The following ADAM22 variants were observed in gnomAD, a reference collection of about 807,000 sequenced individuals.
ADAM22 encodes disintegrin and metalloproteinase domain-containing protein 22.
Under a neutral mutation model 144.6 loss-of-function variants are expected in ADAM22, and 65 were observed. The observed-to-expected ratio is 0.45, with a 90% CI of 0.37 to 0.55. The LOEUF is 0.55. Ranked by LOEUF, ADAM22 falls within the 20% of genes least tolerant of loss-of-function variation. The pLI is 0.00. For missense variants in ADAM22, 974 were observed against 1,184.9 expected, an observed-to-expected ratio of 0.82 and a Z score of 2.61; for synonymous variants, 391 against 412.6, an observed-to-expected ratio of 0.95 and a Z score of 0.63.
chr7:88,149,390 T>G (rs1837657533), intron 18 of ADAM22, among the ~76,000 whole-genome samples: 1 of 152,152 alleles, frequency 6.6e-6, no homozygotes, highest in Non-Finnish European at 1.5e-5. Flanking sequence ...AAGAAGTCAG[T>G]GGAGGCAGGG....
chr7:87,979,927 C>T (rs183738423), intron 3 of ADAM22, among the ~76,000 whole-genome samples: 1 of 152,278 alleles, frequency 6.6e-6, no homozygotes, highest in African/African-American at 2.4e-5. Context: ...GAAATCATTG[C>T]CCCTGTTGGT....
chr7:88,071,439 AATTATGTTGATCAAG>A (rs1439771353), intron 3 of ADAM22, among the ~76,000 whole-genome samples: 1 of 149,632 alleles, frequency 6.7e-6, no homozygotes, highest in African/African-American at 2.5e-5. Flanking sequence ...AACAGAAGCA[AATTATGTTGATCAAG>A]ATTAAGCAGC....
chr7:88,143,017 C>A lies in ADAM22; in HGVS notation c.1221-9C>A. ...TGAACCCAGCTATTGCTTTTCTTCTCTTTTATAGCTATTATCTTCCTAAAA... is the reference window on the plus strand; with the variant it reads ...TGAACCCAGCTATTGCTTTTCTTCTATTTTATAGCTATTATCTTCCTAAAA... On this transcript the variant is annotated splice_polypyrimidine_tract_variant and intron_variant, in intron 14 of 31. Coordinates refer to ENST00000413139, the MANE Select transcript of ADAM22 (RefSeq NM_001324418.2). 1 of 1,565,992 alleles carries A rather than the reference C, an allele frequency of 6.4e-7. No homozygotes were observed. The highest frequency in any genetic ancestry group is 8.8e-7 in the Non-Finnish European group (1 of 1,140,216).
intron 3 of ADAM22, among the ~76,000 whole-genome samples, chr7:88,017,145 T>C (rs1423392907): frequency 6.6e-6 from 1 of 151,988 alleles, no homozygotes; most frequent in East Asian, 1.9e-4. Flanking sequence ...AAATAAAAAT[T>C]AAAAATAAAA....
chr7:88,193,331 C>G (rs1053497614), intron 31 of ADAM22, 92 bp downstream of exon 31: 22 of 1,379,170 alleles, frequency 1.6e-5, no homozygotes, highest in Non-Finnish European at 1.9e-5. Flanking sequence ...ATTTTTCCTC[C>G]CTTGTTCCTA....
rs535661178 is a variant in ADAM22 at position 88,142,649 on chromosome 7, T to C, written c.1221-377T>C. Among the ~76,000 whole-genome samples, 34 of 152,066 alleles carry C rather than the reference T, an allele frequency of 2.2e-4. 1 individual carries two copies. Among genetic ancestry groups the C allele is most frequent in the Admixed American group, 1.4e-3 (22 of 15,274 alleles). On this transcript the variant is annotated intron_variant, in intron 14 of 31. Transcript: ENST00000413139. ...GTCAGGAGATCGAGACCATCCTGGC[T>C]AACACGATGAAACCCCGTCTCTACT...
chr7:88,053,334 G>A (rs1053499770), intron 3 of ADAM22, among the ~76,000 whole-genome samples: 12 of 151,974 alleles, frequency 7.9e-5, no homozygotes, highest in African/African-American at 2.9e-4. Flanking sequence ...GGGCATCATA[G>A]TATGCATGCC....
At chr7:87,973,802 G>A (rs1418730688) in intron 2 of ADAM22, among the ~76,000 whole-genome samples, 1 of 152,082 alleles carries the variant, frequency 6.6e-6, no homozygotes, top group Non-Finnish European at 1.5e-5. Context: ...CATGGATGAA[G>A]CTGGAAACCA....
intron 3 of ADAM22, among the ~76,000 whole-genome samples, chr7:88,060,008 A>T (rs1377770700): frequency 6.6e-6 from 1 of 152,190 alleles, no homozygotes. Context: ...AATCTAAAAA[A>T]AAACCCCAAT....
At chr7:88,051,332 A>G (rs1254044273) in intron 3 of ADAM22, among the ~76,000 whole-genome samples, 2 of 152,346 alleles carry the variant, frequency 1.3e-5, no homozygotes, top group South Asian at 4.1e-4. Flanking sequence ...CTGGATTAAG[A>G]AAATGTGGCA....
At chr7:87,991,907 GAA>G (rs1386227374) in intron 3 of ADAM22, among the ~76,000 whole-genome samples, 15 of 152,198 alleles carry the variant, frequency 9.9e-5, no homozygotes, top group Admixed American at 9.8e-4. Flanking sequence ...TCCCAAGATT[GAA>G]ACACTCTTAA....
chr7:88,003,149 C>T (rs763348897), intron 3 of ADAM22, among the ~76,000 whole-genome samples: 1 of 151,956 alleles, frequency 6.6e-6, no homozygotes, highest in Non-Finnish European at 1.5e-5. Context: ...TGTTGCTGCC[C>T]CTGAGGAGAG....
chr7:88,190,982 TG>T (rs887415556), intron 30 of ADAM22, among the ~76,000 whole-genome samples: 2 of 152,120 alleles, frequency 1.3e-5, no homozygotes, highest in African/African-American at 4.8e-5. Flanking sequence ...ACTCCTGCTC[TG>T]GTGCTCTCAT....
intron 3 of ADAM22, among the ~76,000 whole-genome samples, chr7:88,036,691 G>T (rs1395749630): frequency 1.3e-5 from 2 of 151,914 alleles, no homozygotes; most frequent in Non-Finnish European, 2.9e-5. Context: ...CTTCCTTGCT[G>T]CCCAGTCTGT....
intron 14 of ADAM22, among the ~76,000 whole-genome samples, chr7:88,141,145 G>T (rs1415655260): frequency 1.3e-5 from 2 of 152,222 alleles, no homozygotes; most frequent in Non-Finnish European, 2.9e-5. Flanking sequence ...TAAATTGTCA[G>T]TGTTTGTCGG....
chr7:88,002,957 C>T (rs1208154680), intron 3 of ADAM22, among the ~76,000 whole-genome samples: 1 of 152,210 alleles, frequency 6.6e-6, no homozygotes, highest in Non-Finnish European at 1.5e-5. Context: ...TTAGTAAAAA[C>T]TGGCAATTCT....
chr7:88,059,648 A>G (rs1368022056), intron 3 of ADAM22, among the ~76,000 whole-genome samples: 1 of 152,248 alleles, frequency 6.6e-6, no homozygotes, highest in East Asian at 1.9e-4. Context: ...GGATTTAAAA[A>G]TGTGGCATAT....
intron 3 of ADAM22, among the ~76,000 whole-genome samples, chr7:88,004,072 G>A (rs560369982): frequency 2.6e-5 from 4 of 152,220 alleles, no homozygotes; most frequent in Admixed American, 1.3e-4. Flanking sequence ...AGTAGCTGGA[G>A]CCTTCTTGGG....
chr7:88,003,677 G>A (rs1793115802), intron 3 of ADAM22, among the ~76,000 whole-genome samples: 1 of 152,132 alleles, frequency 6.6e-6, no homozygotes. Flanking sequence ...TTAAGAAAAG[G>A]AAACTCTGAG....
Sources: allele counts gnomAD v4.1 joint callset (sites outside exome capture counted in the v4.1 genomes callset), GRCh38; gene constraint gnomAD v4.1.1; transcripts MANE v1.5; gene names NCBI Gene and HGNC (gene_info 2026-07-23, HGNC 2026-07-21).